EIF3L: variants seen among roughly 807,000 people sequenced by gnomAD.
EIF3L encodes eukaryotic translation initiation factor 3 subunit L.
EIF3L carries 32 observed loss-of-function variants against 74.6 expected under a neutral mutation model. The observed-to-expected ratio is 0.43, with a 90% CI of 0.32 to 0.58. The LOEUF (loss-of-function observed/expected upper bound fraction) is 0.58, where lower values mean the gene tolerates loss of function less well. Among genes scored for constraint, EIF3L ranks in the 20% least tolerant of loss-of-function variants. EIF3L has a pLI of 0.06. For missense variants in EIF3L, 474 were observed against 707.8 expected, an observed-to-expected ratio of 0.67 and a Z score of 3.75; for synonymous variants, 256 against 254.4, an observed-to-expected ratio of 1.01 and a Z score of -0.06.
At chr22:37,849,564 G>T in intron 1 of EIF3L, 82 bp downstream of exon 1, 2 of 1,475,830 alleles carry the variant, frequency 1.4e-6, no homozygotes, top group Non-Finnish European at 1.8e-6. Flanking sequence ...GCGCGAGGCA[G>T]CTTCCGGGTC....
At chr22:37,874,292 A>G (rs1926629263) in intron 8 of EIF3L, 78 bp from the exon 9 acceptor site, 5 of 1,487,662 alleles carry the variant, frequency 3.4e-6, no homozygotes, top group South Asian at 1.3e-5. Flanking sequence ...TGAGATGCCT[A>G]CTGAGTAACA....
chr22:37,862,909 A>C, intron 5 of EIF3L, 60 bp from the exon 6 acceptor site: 1 of 1,290,946 alleles, frequency 7.7e-7, no homozygotes, highest in South Asian at 1.3e-5. Context: ...ACAGTATACC[A>C]TGGGTAAAAC....
At chr22:37,878,254 G>T (rs971946438) in intron 11 of EIF3L, 83 bp downstream of exon 11, 17 of 1,490,918 alleles carry the variant, frequency 1.1e-5, no homozygotes, top group South Asian at 1.4e-5. Flanking sequence ...GAAGTATATC[G>T]GGGAACAAAA....
At chr22:37,863,379 C>G (rs752904926) in intron 7 of EIF3L, 34 bp downstream of exon 7, 20 of 1,525,398 alleles carry the variant, frequency 1.3e-5, no homozygotes, top group Non-Finnish European at 1.8e-5. Flanking sequence ...TTTGAAATAA[C>G]TGGTCCATGC....
intron 8 of EIF3L, among the ~76,000 whole-genome samples, chr22:37,873,726 AAAACAAACAAAC>A (rs967820834): frequency 3.3e-5 from 5 of 152,178 alleles, no homozygotes; most frequent in East Asian, 1.9e-4. Flanking sequence ...TCAGTCTCAA[AAAACAAACAAAC>A]AAACAAAAAA....
chr22:37,859,719 A>AT (rs1925752347), intron 5 of EIF3L, among the ~76,000 whole-genome samples: 1 of 151,080 alleles, frequency 6.6e-6, no homozygotes, highest in South Asian at 2.1e-4. Flanking sequence ...CATCTGTACT[A>AT]TTTAAGGCTG....
chr22:37,866,263 C>T (rs1408775330), intron 7 of EIF3L, among the ~76,000 whole-genome samples: 1 of 152,148 alleles, frequency 6.6e-6, no homozygotes, highest in African/African-American at 2.4e-5. Context: ...TTTTCATAGA[C>T]CTGACTTGCT....
chr22:37,862,966 C>T lies in EIF3L; in HGVS notation c.436-3C>T. 6.2e-6 allele frequency: 10 copies of T among 1,607,400 alleles called. No individual in the cohort carries two copies. Among genetic ancestry groups the T allele is most frequent in the Non-Finnish European group, 8.5e-6 (10 of 1,176,472 alleles). Reference sequence around the variant, plus strand: ...ATCTTGATATCTCTTGTTTTCTTTACAGGGGGGACCTTCCTTGGAGCAGAG... The same window carrying T: ...ATCTTGATATCTCTTGTTTTCTTTATAGGGGGGACCTTCCTTGGAGCAGAG... On this transcript the variant is annotated splice_region_variant and splice_polypyrimidine_tract_variant and intron_variant, in intron 5 of 12. Transcript: ENST00000652021.
chr22:37,864,212 C>T (rs553959999), intron 7 of EIF3L, among the ~76,000 whole-genome samples: 1 of 152,206 alleles, frequency 6.6e-6, no homozygotes, highest in Non-Finnish European at 1.5e-5. Context: ...CCCACACCAA[C>T]TTACGTGGAT....
In EIF3L at chr22:37,877,928, G is replaced by A; in HGVS notation, c.1332G>A (p.Leu444=). 2 of 1,612,668 alleles carry A rather than the reference G, an allele frequency of 1.2e-6. No individual in the cohort carries two copies. The highest frequency in any genetic ancestry group is 1.7e-6 in the Non-Finnish European group (2 of 1,179,872). The change falls in exon 11 of 13, where the codon CTG becomes CTA. Residue 444 remains leucine (L), a synonymous_variant. Coordinates refer to ENST00000652021, the MANE Select transcript of EIF3L (RefSeq NM_016091.4). ...NYHKEPFLQQ[L]KVFSDEVQQQ... Reference sequence around the variant, plus strand: ...ACAAAGAGCCCTTCCTGCAGCAGCTGAAGGTGTTTTCTGATGAAGTACAGC... The same window carrying A: ...ACAAAGAGCCCTTCCTGCAGCAGCTAAAGGTGTTTTCTGATGAAGTACAGC...
intron 4 of EIF3L, among the ~76,000 whole-genome samples, chr22:37,857,907 C>T (rs938724786): frequency 3.3e-5 from 5 of 152,022 alleles, no homozygotes; most frequent in South Asian, 4.1e-4. Context: ...TCGTAGCTCA[C>T]GGCTGTAATT....
chr22:37,878,470 G>A (rs1471997271), intron 11 of EIF3L: 1 of 201,390 alleles, frequency 5.0e-6, no homozygotes, highest in Non-Finnish European at 9.8e-6. Flanking sequence ...TTTTGTTTTG[G>A]TTTTTTTTTT....
chr22:37,850,369 T>A (rs1251134617), intron 2 of EIF3L, among the ~76,000 whole-genome samples: 1 of 152,176 alleles, frequency 6.6e-6, no homozygotes, highest in Non-Finnish European at 1.5e-5. Flanking sequence ...AGTTTCCCTC[T>A]GTCCCCCAGG....
chr22:37,859,107 A>G (rs990077173), intron 5 of EIF3L, among the ~76,000 whole-genome samples: 2 of 151,718 alleles, frequency 1.3e-5, no homozygotes, highest in African/African-American at 4.8e-5. Context: ...TCTGAGATGT[A>G]CATAACACTG....
intron 12 of EIF3L, 81 bp from the exon 13 acceptor site, chr22:37,888,337 GCTGGGAAT>G: frequency 7.1e-7 from 1 of 1,417,294 alleles, no homozygotes; most frequent in African/African-American, 1.4e-5. Context: ...CAGAGGGGCA[GCTGGGAAT>G]CTGACCTAGT....
chr22:37,849,691 C>G, intron 1 of EIF3L: 1 of 626,490 alleles, frequency 1.6e-6, no homozygotes, highest in Non-Finnish European at 2.8e-6. Context: ...TTGTCCTTCC[C>G]CTTTCTAAGA....
intron 11 of EIF3L, chr22:37,885,529 T>C (rs1927273473): frequency 6.6e-6 from 1 of 151,976 alleles, no homozygotes; most frequent in African/African-American, 2.4e-5. Flanking sequence ...GATCTTAACC[T>C]AGGGGATATA....
At chr22:37,867,909 T>C (rs886869165) in intron 7 of EIF3L, among the ~76,000 whole-genome samples, 22 of 143,938 alleles carry the variant, frequency 1.5e-4, no homozygotes, top group African/African-American at 5.2e-4. Context: ...GAGCCGAGAT[T>C]GCACCACTGC....
At chr22:37,863,180 C>A in intron 6 of EIF3L, 92 bp from the exon 7 acceptor site, 1 of 1,243,028 alleles carries the variant, frequency 8.0e-7, no homozygotes, top group Non-Finnish European at 1.1e-6. Flanking sequence ...ATTCATGGTC[C>A]TTTTAAGAGA....
Sources: allele counts gnomAD v4.1 joint callset (sites outside exome capture counted in the v4.1 genomes callset), GRCh38; gene constraint gnomAD v4.1.1; transcripts MANE v1.5; gene names NCBI Gene and HGNC (gene_info 2026-07-23, HGNC 2026-07-21).